Variants in MAGI2 observed in about 807,000 individuals in gnomAD.
The protein encoded by MAGI2 is membrane-associated guanylate kinase, WW and PDZ domain-containing protein 2.
A neutral mutation model predicts 133.3 loss-of-function variants in MAGI2; 35 were observed. The observed-to-expected ratio is 0.26, with a 90% confidence interval of 0.20 to 0.35. The LOEUF (loss-of-function observed/expected upper bound fraction) is 0.35. MAGI2 is among the 10% of genes least tolerant of loss of function. The pLI is 1.00. For synonymous variants in MAGI2, 729 were observed against 710.6 expected, an observed-to-expected ratio of 1.03 and a Z score of -0.41; for missense variants, 1,636 against 1,863.4, an observed-to-expected ratio of 0.88 and a Z score of 2.25.
chr7:79,298,462 C>A (rs1416946602), intron 1 of MAGI2, among the ~76,000 whole-genome samples: 2 of 151,954 alleles, frequency 1.3e-5, no homozygotes, highest in African/African-American at 2.4e-5. Flanking sequence ...TGTTTTGTAA[C>A]ACACAAAAAA....
chr7:78,905,261 T>A (rs1797910276), intron 2 of MAGI2, among the ~76,000 whole-genome samples: 1 of 152,304 alleles, frequency 6.6e-6, no homozygotes, highest in South Asian at 2.1e-4. Context: ...TTTTCAGTAA[T>A]GACACCGTGC....
At chr7:78,214,271 T>C (rs1788053873) in intron 10 of MAGI2, among the ~76,000 whole-genome samples, 1 of 152,226 alleles carries the variant, frequency 6.6e-6, no homozygotes, top group African/African-American at 2.4e-5. Context: ...GGATCCCAAG[T>C]ATGTTTTCTG....
chr7:78,841,631 TCTAA>T (rs1563568753), intron 2 of MAGI2, among the ~76,000 whole-genome samples: 1 of 151,990 alleles, frequency 6.6e-6, no homozygotes, highest in Non-Finnish European at 1.5e-5. Context: ...CAACTGAATA[TCTAA>T]CTGATGCCTA....
chr7:78,823,250 A>G (rs1790281860), intron 2 of MAGI2, among the ~76,000 whole-genome samples: 1 of 152,198 alleles, frequency 6.6e-6, no homozygotes, highest in African/African-American at 2.4e-5. Context: ...GACTGAGATC[A>G]AAAGCTGTGG....
chr7:78,183,268 A>ATTTTTTTT (rs35853118), intron 13 of MAGI2, among the ~76,000 whole-genome samples: 3 of 137,432 alleles, frequency 2.2e-5, no homozygotes, highest in Non-Finnish European at 3.1e-5. Context: ...GTATTTTTGT[A>ATTTTTTTT]TTTTTTTTTT....
chr7:79,437,230 T>C (rs1483382586), intron 1 of MAGI2, among the ~76,000 whole-genome samples: 3 of 152,138 alleles, frequency 2.0e-5, no homozygotes, highest in African/African-American at 7.2e-5. Context: ...GTTGAAAAAC[T>C]ACCTGTTGGG....
At position 79,002,012 on chromosome 7, in the gene MAGI2, T is replaced by G. The variant is rs1468260629; in HGVS notation, c.418+5078A>C. 2.0e-5 allele frequency among the ~76,000 whole-genome samples: 3 copies of G among 152,304 alleles called. No homozygotes were observed. In the East Asian group the frequency reaches 5.8e-4, roughly 29 times the overall value. On this transcript the variant is annotated intron_variant, in intron 2 of 21. Transcript: ENST00000354212. The stretch of plus-strand genomic sequence containing the variant: ...TATCACATTCTAGATGACAACGGTT[T>G]TGTCTCATTGTCATTTTCTCCCTTC...
intron 1 of MAGI2, among the ~76,000 whole-genome samples, chr7:79,038,122 A>G (rs1483146662): frequency 7.9e-5 from 12 of 152,198 alleles, no homozygotes; most frequent in Admixed American, 1.3e-4. Context: ...AAAGGTTTTC[A>G]GGTGACAGTG....
At chr7:78,880,978 C>T (rs1795798607) in intron 2 of MAGI2, among the ~76,000 whole-genome samples, 1 of 152,038 alleles carries the variant, frequency 6.6e-6, no homozygotes. Flanking sequence ...ACAAAGAAGG[C>T]CCTTATATAA....
intron 9 of MAGI2, among the ~76,000 whole-genome samples, chr7:78,334,581 C>G (rs1409192574): frequency 1.3e-5 from 2 of 152,172 alleles, no homozygotes; most frequent in East Asian, 3.8e-4. Context: ...TATTCACAAA[C>G]ACCCCTTCAA....
chr7:78,068,887 G>A (rs571719311), intron 21 of MAGI2, among the ~76,000 whole-genome samples: 1 of 152,114 alleles, frequency 6.6e-6, no homozygotes. Flanking sequence ...CATCTTTTCT[G>A]TAATGTCTCT....
At chr7:78,407,224 A>C (rs1797460995) in intron 6 of MAGI2, among the ~76,000 whole-genome samples, 1 of 152,046 alleles carries the variant, frequency 6.6e-6, no homozygotes, top group African/African-American at 2.4e-5. Flanking sequence ...TTTAGGGCCA[A>C]GTCAGATTTG....
chr7:78,028,678 A>C (rs1809216780), intron 21 of MAGI2, among the ~76,000 whole-genome samples: 1 of 152,004 alleles, frequency 6.6e-6, no homozygotes, highest in African/African-American at 2.4e-5. Context: ...AAGATGGCAA[A>C]ACACCATCTC....
At chr7:78,977,118 G>T (rs1478983401) in intron 2 of MAGI2, among the ~76,000 whole-genome samples, 1 of 151,612 alleles carries the variant, frequency 6.6e-6, no homozygotes, top group African/African-American at 2.4e-5. Flanking sequence ...AAAGGCAAAA[G>T]ACGTATAATA....
chr7:78,452,925 C>A (rs1244487386), intron 6 of MAGI2, among the ~76,000 whole-genome samples: 2 of 151,740 alleles, frequency 1.3e-5, no homozygotes, highest in East Asian at 3.9e-4. Flanking sequence ...ATATTATTAG[C>A]TGATTGGGTT....
intron 6 of MAGI2, among the ~76,000 whole-genome samples, chr7:78,469,150 ACT>A (rs1436397679): frequency 1.3e-5 from 2 of 152,160 alleles, no homozygotes; most frequent in Admixed American, 6.6e-5. Flanking sequence ...AAATATGTAT[ACT>A]CTCTGTAAAC....
intron 21 of MAGI2, among the ~76,000 whole-genome samples, chr7:78,038,876 G>A (rs1563037616): frequency 6.6e-6 from 1 of 152,210 alleles, no homozygotes; most frequent in African/African-American, 2.4e-5. Flanking sequence ...TTTTCACTGA[G>A]CCAAACTCAC....
intron 10 of MAGI2, among the ~76,000 whole-genome samples, chr7:78,209,514 G>T (rs942442338): frequency 6.6e-6 from 1 of 151,752 alleles, no homozygotes; most frequent in African/African-American, 2.4e-5. Context: ...GCCCACCATG[G>T]CTTCCCAAAG....
chr7:78,371,480 C>G (rs566215754), intron 6 of MAGI2, among the ~76,000 whole-genome samples: 1 of 151,794 alleles, frequency 6.6e-6, no homozygotes, highest in African/African-American at 2.4e-5. Flanking sequence ...TGAATACAGC[C>G]CTACTTCTTA....
Sources: allele counts gnomAD v4.1 joint callset (sites outside exome capture counted in the v4.1 genomes callset), GRCh38; gene constraint gnomAD v4.1.1; transcripts MANE v1.5; gene names NCBI Gene and HGNC (gene_info 2026-07-23, HGNC 2026-07-21).